The following DNHD1 variants were observed in gnomAD, a reference collection of about 807,000 sequenced individuals.
DNHD1 encodes the protein dynein heavy chain domain-containing protein 1.
DNHD1 carries 383 observed loss-of-function variants against 458.1 expected under a neutral mutation model. The ratio of observed to expected loss-of-function variants is 0.84; its 90% CI spans 0.77 to 0.91. The LOEUF (loss-of-function observed/expected upper bound fraction) is 0.91, where lower values mean the gene tolerates loss of function less well. DNHD1 is among the 40% of genes least tolerant of loss of function. The pLI is 0.00. For synonymous variants in DNHD1, 2,203 were observed against 2,376.9 expected (o/e 0.93, Z 2.13); for missense variants, 5,336 against 5,866.1 (o/e 0.91, Z 2.95).
In DNHD1 at chr11:6,540,121, G is replaced by C. The variant is rs112573450; in HGVS notation, c.3628+38G>C. The C allele has an allele frequency of 1.8e-5, 28 of 1,528,044 alleles. No individual in the cohort carries two copies. In the African/African-American group the frequency reaches 3.2e-4, roughly 17 times the overall value. 94.7% of individuals were successfully genotyped at this position (1,528,044 alleles called of 1,614,324 possible). ...CCTTGTGACCTAGTGAAAGCCCCCT[G>C]CTGGGGGCCATTTTCATCCACCATA... is the stretch of plus-strand genomic sequence containing the variant. On this transcript the variant is annotated intron_variant, in intron 18 of 42. Transcript: ENST00000254579.
Position 6,564,405 on chromosome 11 carries a change from C to G in DNHD1, c.10357C>G (p.Pro3453Ala). 6.4e-7 allele frequency: 1 copy of G among 1,551,630 alleles called. No homozygotes were observed. The highest frequency in any genetic ancestry group is 8.7e-7 in the Non-Finnish European group (1 of 1,146,938). The stretch of plus-strand genomic sequence containing the variant: ...TTCAGCTGCCATCATCTACCTGGGT[C>G]CCTTCCCACCATTGCGGCGCCAAGA... The part of the protein sequence containing the change: ...LCSAAIIYLG[P>A]FPPLRRQELL... The change falls in exon 32 of 43, where the codon CCC (proline) becomes GCC (alanine). Residue 3453 changes from proline to alanine, a missense_variant. Pro to Ala is a conservative substitution (Grantham distance 27). This residue lies in a region of DNHD1 where 3,932 missense variants were observed against 4,365.6 expected (regional missense o/e 0.90). Transcript: ENST00000254579.
intron 24 of DNHD1, among the ~76,000 whole-genome samples, chr11:6,552,651 C>T (rs545460572): frequency 2.8e-4 from 39 of 141,388 alleles, no homozygotes; most frequent in Non-Finnish European, 3.2e-4. Context: ...TAGCAGTTGG[C>T]GGGGGCGGGG....
rs2134432540 is a variant in DNHD1, at chr11:6,547,670, G to A, written c.6727+4G>A. The A allele has an allele frequency of 6.6e-7, 1 of 1,516,214 alleles. No homozygotes were observed. The highest frequency in any genetic ancestry group is 8.9e-7 in the Non-Finnish European group (1 of 1,125,828). 93.9% of individuals were successfully genotyped at this position (1,516,214 alleles called of 1,614,324 possible). A position where few individuals can be genotyped will look rare whatever the true frequency, so the allele number is the denominator to read the frequency against. ...GAGGAGAAGGCCCCTGGCCCAGGTG[G>A]GAAGATGGACGGGCTGGTTTGAGAG... On this transcript the variant is annotated splice_donor_region_variant and intron_variant, in intron 21 of 42. Transcript: ENST00000254579.
chr11:6,566,869 T>G (rs1564823978), intron 35 of DNHD1, 26 bp from the exon 36 acceptor site: 1 of 1,606,030 alleles, frequency 6.2e-7, no homozygotes, highest in Admixed American at 1.7e-5. Context: ...AAGGGCCAGA[T>G]CCATCCAACA....
At chr11:6,517,652 C>CT (rs59300977) in intron 7 of DNHD1, among the ~76,000 whole-genome samples, 4,644 of 58,850 alleles carry the variant, frequency 0.079, 555 homozygotes, top group Middle Eastern at 0.14. Context: ...TCTAGGACTT[C>CT]TTTTTTTTTT....
intron 13 of DNHD1, 139 bp from the exon 14 acceptor site, chr11:6,533,542 G>T: frequency 9.3e-7 from 1 of 1,072,404 alleles, no homozygotes; most frequent in East Asian, 2.6e-5. Context: ...AGGAGAGATT[G>T]CCCCTGATTC....
rs1853510386 is a variant in DNHD1, at chr11:6,558,202, GTACAC to G, written c.8908_8912del (p.Tyr2970ArgfsTer48). 2 of 1,551,604 alleles carry G rather than the reference GTACAC, an allele frequency of 1.3e-6. No individual in the cohort carries two copies. The highest frequency in any genetic ancestry group is 2.7e-5 in the African/African-American group (2 of 73,048). The stretch of plus-strand genomic sequence containing the variant: ...CAACCTCAGGCAGTTTCCCTGGCCA[GTACAC>G]AGAAGCAGATTTGGACCGCATTGGA... On this transcript the variant is annotated frameshift_variant, in exon 25 of 43. Coordinates refer to ENST00000254579, the MANE Select transcript of DNHD1 (RefSeq NM_144666.3). LOFTEE classifies it high-confidence loss of function.
Sources: gnomAD v4.1 joint callset for allele counts (sites outside exome capture counted in the v4.1 genomes callset) on GRCh38, gnomAD v4.1.1 for gene constraint, gnomAD v4.1.1 regional missense constraint, MANE v1.5 for transcripts, NCBI Gene and HGNC (gene_info 2026-07-23, HGNC 2026-07-21) for gene names.